GCLM: variants seen among roughly 807,000 people sequenced by gnomAD.
The protein encoded by GCLM is glutamate-cysteine ligase modifier subunit.
Under a neutral mutation model 36.0 loss-of-function variants are expected in GCLM, and 15 were observed. The observed-to-expected ratio is 0.42, with a 90% CI of 0.28 to 0.64. GCLM has a LOEUF of 0.64. Ranked by LOEUF, GCLM falls within the 30% of genes least tolerant of loss-of-function variation. GCLM has a pLI of 0.25. For missense variants in GCLM, 242 were observed against 325.5 expected (o/e 0.74, Z 1.97); for synonymous variants, 129 against 122.8 (o/e 1.05, Z -0.34).
chr1:93,902,477 C>T (rs1656994333), intron 2 of GCLM, among the ~76,000 whole-genome samples: 1 of 150,808 alleles, frequency 6.6e-6, no homozygotes, highest in Non-Finnish European at 1.5e-5. Flanking sequence ...CGCGCCCAGC[C>T]TGTTTTTTTT....
In GCLM at chr1:93,896,764, T is replaced by A. The variant is rs746859746; in HGVS notation, c.394A>T (p.Ile132Phe). ...LDSVIIASPP[I>F]EDGVNLSLEH... ...AAGGAAAGATTAACTCCATCTTCAA[T>A]AGGAGGTGAAGCAATGATCACAGAA... The change falls in exon 5 of 7, where the codon ATT (isoleucine) becomes TTT (phenylalanine). Residue 132 changes from isoleucine to phenylalanine, a missense_variant. Transcript: ENST00000370238. The A allele has an allele frequency of 6.2e-7, 1 of 1,609,906 alleles. No homozygotes were observed. The highest frequency in any genetic ancestry group is 8.5e-7 in the Non-Finnish European group (1 of 1,176,142).
In GCLM at chr1:93,897,870, A is replaced by G; in HGVS notation, c.306T>C (p.Ser102=). 4 of 1,552,748 alleles carry G rather than the reference A, an allele frequency of 2.6e-6. No homozygotes were observed. The highest frequency in any genetic ancestry group is 3.5e-6 in the Non-Finnish European group (4 of 1,158,442). ...CAACTGCACTTCTAGTTGATGATGA[A>G]GAGTTTGATTCTACAATGAACAGTT... is the stretch of plus-strand genomic sequence containing the variant. ...SAKLFIVESN[S]SSSTRSAVDM... Residue 102 remains serine, a synonymous_variant, in exon 4 of 7, where the codon TCT becomes TCC. Coordinates refer to ENST00000370238, the MANE Select transcript of GCLM (RefSeq NM_002061.4).
Position 93,909,075 on chromosome 1 carries a change from C to A in GCLM, c.89G>T (p.Arg30Leu). Reference protein sequence around the residue: ...LQTGNLLNWGRLRKKCPSTHS... With the variant: ...LQTGNLLNWGLLRKKCPSTHS... Reference sequence around the variant, plus strand: ...CGTGGACGGGCACTTCTTCCGCAGGCGGCCCCAGTTCAGCAGGTTCCCCGT... The same window carrying A: ...CGTGGACGGGCACTTCTTCCGCAGGAGGCCCCAGTTCAGCAGGTTCCCCGT... The change falls in exon 1 of 7, where the codon CGC becomes CTC. Residue 30 changes from arginine (R) to leucine (L), a missense_variant. Coordinates refer to ENST00000370238, the MANE Select transcript of GCLM (RefSeq NM_002061.4). 2 of 1,474,678 alleles carry A rather than the reference C, an allele frequency of 1.4e-6. No individual in the cohort carries two copies. The highest frequency in any genetic ancestry group is 3.0e-5 in the East Asian group (1 of 33,172). The allele number at this position is 1,474,678 out of a possible 1,614,324, so 91.3% of individuals were successfully genotyped here. A position where few individuals can be genotyped will look rare whatever the true frequency, so the allele number is the denominator to read the frequency against.
chr1:93,908,197 C>T (rs1657212646), intron 1 of GCLM, among the ~76,000 whole-genome samples: 1 of 152,150 alleles, frequency 6.6e-6, no homozygotes, highest in Non-Finnish European at 1.5e-5. Flanking sequence ...AAAATTGTCC[C>T]ATACCACCAA....
intron 6 of GCLM, among the ~76,000 whole-genome samples, chr1:93,892,842 G>T (rs1006789915): frequency 1.3e-5 from 2 of 151,958 alleles, no homozygotes; most frequent in African/African-American, 2.4e-5. Context: ...CTAGAAGAGG[G>T]TACAGGCTGG....
chr1:93,891,061 T>C (rs1656517582), intron 6 of GCLM, among the ~76,000 whole-genome samples: 1 of 151,922 alleles, frequency 6.6e-6, no homozygotes, highest in Admixed American at 6.6e-5. Flanking sequence ...ATTATTATTA[T>C]TATTTTTGTA....
intron 3 of GCLM, among the ~76,000 whole-genome samples, chr1:93,898,303 GAAAAAA>G (rs58007552): frequency 3.0e-4 from 5 of 16,442 alleles, no homozygotes; most frequent in African/African-American, 3.8e-4. Context: ...GAAGAAAACT[GAAAAAA>G]AAAAAAAAAA....
In GCLM at chr1:93,909,051, G is replaced by A. The variant is rs1265972101; in HGVS notation, c.113C>T (p.Thr38Met). Reference sequence around the variant, plus strand: ...CGCCACGCTCACCTCCTCGCTGTGCGTGGACGGGCACTTCTTCCGCAGGCG... The same window carrying A: ...CGCCACGCTCACCTCCTCGCTGTGCATGGACGGGCACTTCTTCCGCAGGCG... ...WGRLRKKCPSTHSEELHDCIQ... is the reference protein window; with the variant it reads ...WGRLRKKCPSMHSEELHDCIQ... Residue 38 changes from threonine to methionine, a missense_variant, in exon 1 of 7, where the codon ACG becomes ATG. Transcript: ENST00000370238. 1.4e-6 allele frequency: 2 copies of A among 1,472,916 alleles called. No homozygotes were observed. The highest frequency in any genetic ancestry group is 1.8e-6 in the Non-Finnish European group (2 of 1,117,654). 91.2% of individuals were successfully genotyped at this position (1,472,916 alleles called of 1,614,324 possible).
chr1:93,895,769 A>G (rs1208271335), intron 5 of GCLM, among the ~76,000 whole-genome samples: 1 of 152,126 alleles, frequency 6.6e-6, no homozygotes, highest in Non-Finnish European at 1.5e-5. Context: ...CTTTCCTAAT[A>G]ATTTTGTAGG....
chr1:93,889,729 G>A (rs1656464179), intron 6 of GCLM, among the ~76,000 whole-genome samples: 1 of 151,110 alleles, frequency 6.6e-6, no homozygotes, highest in Non-Finnish European at 1.5e-5. Context: ...CACTTATATT[G>A]TGAATATTTT....
In GCLM at chr1:93,909,379, GCGGCTC is replaced by G; in HGVS notation, c.-222_-217del. On this transcript the variant is annotated 5_prime_UTR_variant, in exon 1 of 7. Coordinates refer to ENST00000370238, the MANE Select transcript of GCLM (RefSeq NM_002061.4). ...GCGGGAAAGGAAGGCACCGGTGGCT[GCGGCTC>G]CGGCTCCGGCTACTGCGGCCGCAGC... 9 of 863,356 alleles carry G rather than the reference GCGGCTC, an allele frequency of 1.0e-5. No individual in the cohort carries two copies. Among genetic ancestry groups the G allele is most frequent in the Non-Finnish European group, 1.3e-5 (9 of 711,022 alleles). 53.5% of individuals were successfully genotyped at this position (863,356 alleles called of 1,614,324 possible). A position where few individuals can be genotyped will look rare whatever the true frequency, so the allele number is the denominator to read the frequency against.
intron 3 of GCLM, among the ~76,000 whole-genome samples, chr1:93,899,956 CAA>C (rs1377819239): frequency 1.3e-5 from 2 of 151,744 alleles, no homozygotes; most frequent in Admixed American, 6.6e-5. Flanking sequence ...CAAAAAAAAT[CAA>C]AAGAGGAAAT....
chr1:93,890,528 T>C (rs1417570858), intron 6 of GCLM, among the ~76,000 whole-genome samples: 1 of 152,146 alleles, frequency 6.6e-6, no homozygotes, highest in Non-Finnish European at 1.5e-5. Flanking sequence ...AAAAACCCTT[T>C]CTAAAAATAG....
At position 93,888,442 on chromosome 1, in the gene GCLM, T is replaced by A. The variant is rs1274683744; in HGVS notation, c.*548A>T. ...AAGCAAGGACACATAAAAAAAAATT[T>A]AAGTTTCCATTCATGTATTGAAGAG... is the stretch of plus-strand genomic sequence containing the variant. On this transcript the variant is annotated 3_prime_UTR_variant, in exon 7 of 7. Coordinates refer to ENST00000370238, the MANE Select transcript of GCLM (RefSeq NM_002061.4). 1 of 152,186 alleles carries A rather than the reference T, an allele frequency of 6.6e-6. No individual in the cohort carries two copies. Among genetic ancestry groups the A allele is most frequent in the Non-Finnish European group, 1.5e-5 (1 of 68,026 alleles). The allele number at this position is 152,186 out of a possible 1,614,324, so 9.4% of individuals were successfully genotyped here.
intron 6 of GCLM, among the ~76,000 whole-genome samples, chr1:93,890,134 TC>T (rs1656480373): frequency 6.6e-6 from 1 of 152,030 alleles, no homozygotes; most frequent in Non-Finnish European, 1.5e-5. Flanking sequence ...GGTCTCGAAC[TC>T]CTGACCTCAG....
At chr1:93,908,701 G>C (rs1457882436) in intron 1 of GCLM, 1 of 186,594 alleles carries the variant, frequency 5.4e-6, no homozygotes, top group Non-Finnish European at 1.1e-5. Flanking sequence ...GAGATGTGGA[G>C]AGAGACGGAG....
chr1:93,904,193 C>A, intron 2 of GCLM: 1 of 285,928 alleles, frequency 3.5e-6, no homozygotes, highest in Non-Finnish European at 6.7e-6. Context: ...GATGTTGAGT[C>A]TACTAAAGCA....
intron 5 of GCLM, among the ~76,000 whole-genome samples, chr1:93,895,000 A>G (rs1656675354): frequency 7.3e-6 from 1 of 136,524 alleles, no homozygotes; most frequent in South Asian, 2.2e-4. Flanking sequence ...CGAAAAAGCC[A>G]ACAGTACTAC....
At chr1:93,908,908 G>A (rs887269067) in intron 1 of GCLM, 130 bp downstream of exon 1, 62 of 682,266 alleles carry the variant, frequency 9.1e-5, no homozygotes, top group Admixed American at 5.0e-4. Flanking sequence ...ATCTGACCGC[G>A]GGCGGAGCCC....
Sources: allele counts gnomAD v4.1 joint callset (sites outside exome capture counted in the v4.1 genomes callset), GRCh38; gene constraint gnomAD v4.1.1; transcripts MANE v1.5; gene names NCBI Gene and HGNC (gene_info 2026-07-23, HGNC 2026-07-21).